Variants in RIPOR2 observed in about 807,000 individuals in gnomAD.
The protein encoded by RIPOR2 is rho family-interacting cell polarization regulator 2.
RIPOR2 carries 39 observed loss-of-function variants against 114.5 expected under a neutral mutation model. The ratio of observed to expected loss-of-function variants is 0.34; its 90% confidence interval spans 0.26 to 0.44. The LOEUF (loss-of-function observed/expected upper bound fraction) is 0.44. RIPOR2 is among the 20% of genes least tolerant of loss of function. The pLI, the probability that RIPOR2 is intolerant of heterozygous loss-of-function variation, is 1.00. For missense variants in RIPOR2, 1,007 were observed against 1,255.1 expected (o/e 0.80, Z 2.99); for synonymous variants, 445 against 484.4 (o/e 0.92, Z 1.07).
intron 11 of RIPOR2, 47 bp downstream of exon 11, chr6:24,849,755 C>CAAAGGTATCAAA (rs1562259573): frequency 2.0e-6 from 3 of 1,537,302 alleles, no homozygotes; most frequent in Non-Finnish European, 2.7e-6. Context: ...TAGCACTAGC[C>CAAAGGTATCAAA]GGTATCAGAT....
chr6:24,919,667 C>T (rs770907059), intron 1 of RIPOR2, among the ~76,000 whole-genome samples: 2 of 152,192 alleles, frequency 1.3e-5, no homozygotes, highest in African/African-American at 4.8e-5. Flanking sequence ...GCACACAAGA[C>T]GATGGCTAAG....
intron 2 of RIPOR2, 35 bp downstream of exon 2, chr6:24,875,656 A>G (rs1008958660): frequency 6.3e-7 from 1 of 1,594,624 alleles, no homozygotes; most frequent in African/African-American, 1.3e-5. Context: ...TTCCTTGGCA[A>G]GCTGCATCCC....
At chr6:24,980,546 C>T (rs114600817) in intron 1 of RIPOR2, among the ~76,000 whole-genome samples, 1,742 of 152,262 alleles carry the variant, frequency 0.011, 20 homozygotes, top group African/African-American at 0.03. Flanking sequence ...TTGTCAGAGC[C>T]GTAGGTGCAA....
At chr6:24,863,862 G>A (rs372715873) in intron 7 of RIPOR2, among the ~76,000 whole-genome samples, 3 of 152,118 alleles carry the variant, frequency 2.0e-5, no homozygotes, top group African/African-American at 7.2e-5. Flanking sequence ...ATAATTTGAT[G>A]TGTTAATAAA....
chr6:24,903,002 A>G (rs1768626380), intron 1 of RIPOR2, among the ~76,000 whole-genome samples: 1 of 152,224 alleles, frequency 6.6e-6, no homozygotes, highest in Non-Finnish European at 1.5e-5. Flanking sequence ...AGTGGCCTGA[A>G]ACAACAGCAG....
intron 12 of RIPOR2, among the ~76,000 whole-genome samples, chr6:24,845,903 C>A (rs1254039037): frequency 1.3e-5 from 2 of 152,080 alleles, no homozygotes; most frequent in Non-Finnish European, 2.9e-5. Context: ...GGAGGTGGTG[C>A]ATTTGGAGGA....
chr6:24,986,853 C>A (rs1480745083), intron 1 of RIPOR2, among the ~76,000 whole-genome samples: 3 of 151,634 alleles, frequency 2.0e-5, no homozygotes, highest in African/African-American at 7.3e-5. Context: ...CTGGGCCACA[C>A]TGGAAGAAGA....
At chr6:24,985,352 G>C (rs777592247) in intron 1 of RIPOR2, among the ~76,000 whole-genome samples, 1 of 135,454 alleles carries the variant, frequency 7.4e-6, no homozygotes, top group Non-Finnish European at 1.6e-5. Context: ...TGGGACCAGG[G>C]GCTCCATAGA....
intron 1 of RIPOR2, among the ~76,000 whole-genome samples, chr6:25,040,395 C>T (rs1012995734): frequency 2.0e-5 from 3 of 152,090 alleles, no homozygotes; most frequent in Non-Finnish European, 2.9e-5. Flanking sequence ...GAATTACAGG[C>T]GTGAGCCACC....
chr6:24,829,480 T>G (rs1009706451), intron 17 of RIPOR2, among the ~76,000 whole-genome samples: 37 of 151,874 alleles, frequency 2.4e-4, no homozygotes, highest in Admixed American at 2.6e-4. Flanking sequence ...GTACAAAAAT[T>G]GGCCAGGCAT....
At chr6:25,005,740 T>G (rs111426764) in intron 1 of RIPOR2, among the ~76,000 whole-genome samples, 2 of 104,520 alleles carry the variant, frequency 1.9e-5, no homozygotes, top group African/African-American at 3.3e-5. Flanking sequence ...TATATATATA[T>G]ACATTTACCG....
At chr6:25,036,054 A>G (rs544889291) in intron 1 of RIPOR2, among the ~76,000 whole-genome samples, 7 of 152,240 alleles carry the variant, frequency 4.6e-5, no homozygotes, top group Non-Finnish European at 7.4e-5. Flanking sequence ...CACAGCCCCA[A>G]CCACAGTCCA....
At chr6:25,005,427 C>A (rs1020980798) in intron 1 of RIPOR2, among the ~76,000 whole-genome samples, 2 of 152,050 alleles carry the variant, frequency 1.3e-5, no homozygotes, top group African/African-American at 4.8e-5. Flanking sequence ...ATCTATACAA[C>A]AATGATATTT....
chr6:24,909,837 G>C (rs1769365694), intron 1 of RIPOR2, among the ~76,000 whole-genome samples: 1 of 152,092 alleles, frequency 6.6e-6, no homozygotes, highest in South Asian at 2.1e-4. Flanking sequence ...CTCCAAGACA[G>C]GGACCTACGA....
chr6:24,915,548 A>G (rs773622176), intron 1 of RIPOR2, among the ~76,000 whole-genome samples: 3 of 152,086 alleles, frequency 2.0e-5, no homozygotes, highest in Non-Finnish European at 4.4e-5. Context: ...TATTTTTAGT[A>G]GAGATGGGGT....
At chr6:24,934,979 G>C (rs1284186134) in intron 1 of RIPOR2, among the ~76,000 whole-genome samples, 1 of 152,144 alleles carries the variant, frequency 6.6e-6, no homozygotes, top group Non-Finnish European at 1.5e-5. Flanking sequence ...GGAATGGAGG[G>C]TTGGAGTGCC....
At chr6:24,976,627 T>C in intron 1 of RIPOR2, 1 of 1,609,696 alleles carries the variant, frequency 6.2e-7, no homozygotes, top group Non-Finnish European at 8.5e-7. Context: ...AGGATTTGGT[T>C]ATAAGGGTTC....
At chr6:24,870,269 A>G (rs1246067295) in intron 5 of RIPOR2, among the ~76,000 whole-genome samples, 1 of 152,216 alleles carries the variant, frequency 6.6e-6, no homozygotes, top group Admixed American at 6.5e-5. Flanking sequence ...TTCAGAGACA[A>G]CACAGGTAAA....
intron 1 of RIPOR2, among the ~76,000 whole-genome samples, chr6:24,918,349 C>T (rs955116020): frequency 6.6e-6 from 1 of 152,168 alleles, no homozygotes; most frequent in South Asian, 2.1e-4. Context: ...TGCTTTTATC[C>T]AGTCATTCAT....
Sources: gnomAD v4.1 joint callset for allele counts (sites outside exome capture counted in the v4.1 genomes callset) on GRCh38, gnomAD v4.1.1 for gene constraint, MANE v1.5 for transcripts, NCBI Gene and HGNC (gene_info 2026-07-23, HGNC 2026-07-21) for gene names.